The following ARAP1 variants were observed in gnomAD, a reference collection of about 807,000 sequenced individuals.
The protein encoded by ARAP1 is arf-GAP with Rho-GAP domain, ANK repeat and PH domain-containing protein 1.
A neutral mutation model predicts 172.2 loss-of-function variants in ARAP1; 76 were observed. The observed-to-expected ratio is 0.44, with a 90% CI of 0.37 to 0.53. The LOEUF is 0.53. ARAP1 is among the 20% of genes least tolerant of loss of function. The pLI, the probability that ARAP1 is intolerant of heterozygous loss-of-function variation, is 0.00. For synonymous variants in ARAP1, 804 were observed against 803.3 expected (o/e 1.00, Z -0.01); for missense variants, 1,686 against 1,977.5 (o/e 0.85, Z 2.80).
chr11:72,723,396 T>C (rs928936072), intron 3 of ARAP1, among the ~76,000 whole-genome samples: 2 of 152,096 alleles, frequency 1.3e-5, no homozygotes, highest in African/African-American at 4.8e-5. Flanking sequence ...CCAGGCAGAA[T>C]CATGAGCCTG....
rs752074851 is a variant in ARAP1, at chr11:72,712,497, C to T, written c.819G>A (p.Leu273=). 6 of 1,613,304 alleles carry T rather than the reference C, an allele frequency of 3.7e-6. No individual in the cohort carries two copies. The East Asian group carries it at 1.3e-4, about 36-fold the overall frequency. ...CCTCATCCCCTTGGTCGTCCCCAGA[C>T]AGTTCCTCTCCCTCGCTCAGCAGAC... ...VASLLSEGEE[L]SGDDQGDEEE... The change falls in exon 6 of 35, where the codon CTG becomes CTA. Residue 273 remains leucine, a synonymous_variant. Coordinates refer to ENST00000393609, the MANE Select transcript of ARAP1 (RefSeq NM_001040118.3).
In ARAP1 at chr11:72,723,472, T is replaced by C. The variant is rs139994199; in HGVS notation, c.509+3148A>G. ...AACTCCATCCTTGCTTGTTTTCTGA[T>C]TTGCCTAAACCTTGGTCTGTGGCCT... On this transcript the variant is annotated intron_variant, in intron 3 of 34. Transcript: ENST00000393609. Among the ~76,000 whole-genome samples the C allele has an allele frequency of 4.6e-3, 702 of 152,290 alleles. 3 individuals are homozygous for C. The highest frequency in any genetic ancestry group is 0.016 in the African/African-American group (672 of 41,544).
chr11:72,719,598 C>T (rs1215340121), intron 3 of ARAP1, among the ~76,000 whole-genome samples: 3 of 152,236 alleles, frequency 2.0e-5, no homozygotes, highest in Non-Finnish European at 4.4e-5. Context: ...ACAGGCTGAG[C>T]CAGGAACCAG....
intron 14 of ARAP1, chr11:72,703,889 C>T: frequency 3.8e-6 from 2 of 521,162 alleles, no homozygotes; most frequent in Non-Finnish European, 3.4e-6. Flanking sequence ...GGACGGGGTG[C>T]AGGAGACTGA....
intron 1 of ARAP1, among the ~76,000 whole-genome samples, chr11:72,732,941 C>T (rs1857907531): frequency 6.6e-6 from 1 of 151,954 alleles, no homozygotes; most frequent in Non-Finnish European, 1.5e-5. Context: ...TGTGATTGAG[C>T]CACTACACTC....
At position 72,695,307 on chromosome 11, in the gene ARAP1, A is replaced by T. The variant is rs1683043785; in HGVS notation, c.3576+80T>A. ...CTGGTCCTCTCCTCGGGGTAGAAGC[A>T]CTGCTCCCCTGGCCATCTGAGCCTG... On this transcript the variant is annotated intron_variant, in intron 26 of 34. Coordinates refer to ENST00000393609, the MANE Select transcript of ARAP1 (RefSeq NM_001040118.3). The surrounding 1 kb of genome is among the most constrained non-coding windows in gnomAD (Gnocchi z 4.4). The T allele has an allele frequency of 6.3e-7, 1 of 1,580,334 alleles. No individual in the cohort carries two copies. Among genetic ancestry groups the T allele is most frequent in the South Asian group, 1.1e-5 (1 of 89,802 alleles).
intron 12 of ARAP1, among the ~76,000 whole-genome samples, chr11:72,706,753 C>A (rs1856782238): frequency 6.6e-6 from 1 of 152,202 alleles, no homozygotes; most frequent in Non-Finnish European, 1.5e-5. Flanking sequence ...ACAAATCTGA[C>A]CATGTCCCCG....
intron 3 of ARAP1, among the ~76,000 whole-genome samples, chr11:72,721,560 A>G (rs186872386): frequency 6.6e-6 from 1 of 152,280 alleles, no homozygotes; most frequent in East Asian, 1.9e-4. Context: ...CCCAGAAAAC[A>G]GGCACCGTGG....
Position 72,707,355 on chromosome 11 carries a change from GCT to G in ARAP1, c.1541_1542del (p.Glu514AlafsTer16). ...GCCTCCAACCACTGCTCCTTCTCTA[GCT>G]CTGAGTCAGCAGAGAAGCTGGGGAC... ...YRIFSFSADSELEKEQWLEAM... is the reference protein window; with the variant it reads ...YRIFSFSADSXLEKEQWLEAM... On this transcript the variant is annotated frameshift_variant, in exon 12 of 35. Transcript: ENST00000393609. LOFTEE classifies it high-confidence loss of function. 1 of 1,612,816 alleles carries G rather than the reference GCT, an allele frequency of 6.2e-7. No homozygotes were observed. The highest frequency in any genetic ancestry group is 8.5e-7 in the Non-Finnish European group (1 of 1,179,426).
intron 4 of ARAP1, 71 bp downstream of exon 4, chr11:72,714,081 C>T: frequency 1.5e-6 from 2 of 1,370,274 alleles, no homozygotes; most frequent in Non-Finnish European, 1.9e-6. Flanking sequence ...CCTTGCATAC[C>T]TTCCAGAGGC....
chr11:72,704,257 G>A lies in ARAP1; in HGVS notation c.1887C>T (p.Pro629=). The A allele has an allele frequency of 1.2e-6, 2 of 1,613,362 alleles. No individual in the cohort carries two copies. Among genetic ancestry groups the A allele is most frequent in the Non-Finnish European group, 1.7e-6 (2 of 1,179,734 alleles). Residue 629 remains proline (P), a synonymous_variant, in exon 14 of 35, where the codon CCC becomes CCT. Transcript: ENST00000393609. The part of the protein sequence containing the change: ...ANVPPSEALQ[P]SSSPSTRRCH... ...ACCGCCGGGTGCTGGGGCTGCTGCT[G>A]GGCTGCAGGGCCTCACTGGGGGGCA...
rs540532095 is a variant in ARAP1, at chr11:72,710,979, T to G, written c.1213+42A>C. ...CTCTGCCCAAACTTCCAGTCTTCTC[T>G]ACCCTCTTCTACACACACACACAAC... On this transcript the variant is annotated intron_variant, in intron 9 of 34. Transcript: ENST00000393609. The surrounding 1 kb of genome is among the most constrained non-coding windows in gnomAD (Gnocchi z 4.3). The G allele has an allele frequency of 6.2e-7, 1 of 1,612,098 alleles. No homozygotes were observed. The highest frequency in any genetic ancestry group is 1.3e-5 in the African/African-American group (1 of 74,990).
At chr11:72,715,702 G>A (rs182370846) in intron 3 of ARAP1, among the ~76,000 whole-genome samples, 4 of 151,860 alleles carry the variant, frequency 2.6e-5, no homozygotes, top group African/African-American at 9.7e-5. Context: ...TCCCGAGTAG[G>A]TGGGTCTCAA....
In ARAP1 at chr11:72,713,174, A is replaced by T; in HGVS notation, c.747+2T>A. The T allele has an allele frequency of 6.2e-7, 1 of 1,613,518 alleles. No homozygotes were observed. Among genetic ancestry groups the T allele is most frequent in the African/African-American group, 1.3e-5 (1 of 74,974 alleles). ...GGCAGACAGTCCCATGCCTGGCCCCACCTTCTTGGTCATCACTCTGGCTGG... is the reference window on the plus strand; with the variant it reads ...GGCAGACAGTCCCATGCCTGGCCCCTCCTTCTTGGTCATCACTCTGGCTGG... On this transcript the variant is annotated splice_donor_variant, in intron 5 of 34. Transcript: ENST00000393609. LOFTEE classifies it high-confidence loss of function.
rs1048477874 is a variant in ARAP1, at chr11:72,726,085, A to C, written c.509+535T>G. The stretch of plus-strand genomic sequence containing the variant: ...CAGTTCTGAGGAGGGAGGGCATGCC[A>C]GATGAGGCCTGAGAAGTGTCCCAGG... On this transcript the variant is annotated intron_variant, in intron 3 of 34. Coordinates refer to ENST00000393609, the MANE Select transcript of ARAP1 (RefSeq NM_001040118.3). The surrounding 1 kb of genome is among the most constrained non-coding windows in gnomAD (Gnocchi z 6.5). Among the ~76,000 whole-genome samples, 1 of 152,190 alleles carries C rather than the reference A, an allele frequency of 6.6e-6. No individual in the cohort carries two copies. Among genetic ancestry groups the C allele is most frequent in the Non-Finnish European group, 1.5e-5 (1 of 68,028 alleles).
At position 72,688,446 on chromosome 11, in the gene ARAP1, C is replaced by T. The variant is rs144779128; in HGVS notation, c.4070+9G>A. On this transcript the variant is annotated intron_variant, in intron 31 of 34. Transcript: ENST00000393609. ...CAGTAGCAGGCCTATCTGCCCAGTC[C>T]CAGCTTACCAGGTGGGTGGCCTGAG... 4.1e-3 allele frequency: 6,562 copies of T among 1,610,158 alleles called. 24 individuals are homozygous for T. The highest frequency in any genetic ancestry group is 6.5e-3 in the Admixed American group (385 of 59,624).
chr11:72,713,864 A>G lies in ARAP1; in HGVS notation c.679+288T>C, dbSNP rs908605134. ...TCCATCTCAAAAAAAAAAAAAAAAA[A>G]GAAAAGCAAACCACCCAACACCATG... is the stretch of plus-strand genomic sequence containing the variant. On this transcript the variant is annotated intron_variant, in intron 4 of 34. Transcript: ENST00000393609. Among the ~76,000 whole-genome samples, 142 of 149,504 alleles carry G rather than the reference A, an allele frequency of 9.5e-4. 1 individual carries two copies. In the East Asian group the frequency reaches 0.026, roughly 28 times the overall value.
At position 72,710,286 on chromosome 11, in the gene ARAP1, G is replaced by C; in HGVS notation, c.1416+99C>G. The C allele has an allele frequency of 6.9e-7, 1 of 1,447,480 alleles. No homozygotes were observed. Among genetic ancestry groups the C allele is most frequent in the South Asian group, 1.2e-5 (1 of 81,218 alleles). The allele number at this position is 1,447,480 out of a possible 1,614,324, so 89.7% of individuals were successfully genotyped here. On this transcript the variant is annotated intron_variant, in intron 10 of 34. Transcript: ENST00000393609. This position sits in a 1 kb window ranked among gnomAD's most constrained non-coding sequence, Gnocchi z 4.3. ...AGGCAAAGGGCTGGGCCCAGTGCAG[G>C]AAAAGAGGGAACAGAAAAGGCAGGG...
In ARAP1 at chr11:72,687,367, G is replaced by A. The variant is rs1855736360; in HGVS notation, c.4185+72C>T. 2.5e-6 allele frequency: 4 copies of A among 1,577,312 alleles called. No individual in the cohort carries two copies. The South Asian group carries it at 4.4e-5, about 17-fold the overall frequency. On this transcript the variant is annotated intron_variant, in intron 33 of 34. Transcript: ENST00000393609. The stretch of plus-strand genomic sequence containing the variant: ...AAGGGGTGGGTTGAATAGCACAGAA[G>A]CCAATGTCCCCATTCTCCATAATGG...
Sources: gnomAD v4.1 joint callset for allele counts (sites outside exome capture counted in the v4.1 genomes callset) on GRCh38, gnomAD v4.1.1 for gene constraint, Gnocchi (gnomAD v3.1) non-coding constraint, MANE v1.5 for transcripts, NCBI Gene and HGNC (gene_info 2026-07-23, HGNC 2026-07-21) for gene names.